Variants in CEP57L1 observed in about 807,000 individuals in gnomAD.
CEP57L1 encodes the protein centrosomal protein CEP57L1.
Under a neutral mutation model 61.0 loss-of-function variants are expected in CEP57L1, and 37 were observed. The observed-to-expected ratio is 0.61, with a 90% CI of 0.47 to 0.80. The LOEUF is 0.80. Ranked by LOEUF, CEP57L1 falls within the 30% of genes least tolerant of loss-of-function variation. CEP57L1 has a pLI of 0.00. For synonymous variants in CEP57L1, 137 were observed against 162.3 expected, an observed-to-expected ratio of 0.84 and a Z score of 1.19; for missense variants, 422 against 524.7, an observed-to-expected ratio of 0.80 and a Z score of 1.91.
chr6:109,110,300 A>G (rs1375303298), intron 1 of CEP57L1, among the ~76,000 whole-genome samples: 1 of 152,156 alleles, frequency 6.6e-6, no homozygotes, highest in African/African-American at 2.4e-5. Context: ...AGTGATGATG[A>G]GCTTTTTTTC....
chr6:109,153,760 A>T (rs1772914287), intron 4 of CEP57L1, 73 bp from the exon 5 acceptor site: 1 of 820,412 alleles, frequency 1.2e-6, no homozygotes, highest in Non-Finnish European at 2.1e-6. Flanking sequence ...AATTCTCAGA[A>T]ATTGTATTAT....
intron 1 of CEP57L1, among the ~76,000 whole-genome samples, chr6:109,136,108 A>T (rs974993136): frequency 2.0e-5 from 3 of 152,220 alleles, no homozygotes; most frequent in African/African-American, 7.2e-5. Context: ...ACAAAGACAC[A>T]TGCACACGTA....
rs76268442 is a variant in CEP57L1, at chr6:109,172,609, A to G, written c.*9639A>G. Among the ~76,000 whole-genome samples the G allele has an allele frequency of 0.12, 18,961 of 152,106 alleles. 1,331 individuals carry two copies. The highest frequency in any genetic ancestry group is 0.21 in the Middle Eastern group (63 of 294). On this transcript the variant is annotated 3_prime_UTR_variant, in exon 11 of 11. Transcript: ENST00000517392. ...GTATTGTTTTTTGTTTTCTGACCCA[A>G]AAGTGATGTGCATTGCTTACCTATC...
intron 1 of CEP57L1, among the ~76,000 whole-genome samples, chr6:109,139,145 A>G (rs75485521): frequency 0.011 from 1,635 of 152,340 alleles, 11 homozygotes; most frequent in South Asian, 0.026. Context: ...CAAGGTGGCC[A>G]CCAAACAACT....
At chr6:109,110,337 T>G (rs1225212298) in intron 1 of CEP57L1, among the ~76,000 whole-genome samples, 1 of 152,246 alleles carries the variant, frequency 6.6e-6, no homozygotes, top group African/African-American at 2.4e-5. Context: ...CATAAATGTC[T>G]TCTTTTGAGA....
In CEP57L1 at chr6:109,139,739, T is replaced by C. The variant is rs138813570; in HGVS notation, c.-3-5480T>C. On this transcript the variant is annotated intron_variant, in intron 1 of 10. Coordinates refer to ENST00000517392, the MANE Select transcript of CEP57L1 (RefSeq NM_001271852.3). ...GTGACCTCAAATGATCTGCCCACCT[T>C]GGCCTCCCAAAGTGCTGGGATTACA... is the stretch of plus-strand genomic sequence containing the variant. Among the ~76,000 whole-genome samples, 1,204 of 151,966 alleles carry C rather than the reference T, an allele frequency of 7.9e-3. 19 individuals carry two copies. The highest frequency in any genetic ancestry group is 0.028 in the African/African-American group (1,154 of 41,458).
At chr6:109,118,969 A>T (rs984486224) in intron 1 of CEP57L1, among the ~76,000 whole-genome samples, 1 of 152,226 alleles carries the variant, frequency 6.6e-6, no homozygotes, top group Non-Finnish European at 1.5e-5. Flanking sequence ...ATTTCAATAT[A>T]TATTAAACAT....
chr6:109,100,335 A>T (rs1782223281), intron 1 of CEP57L1: 1 of 152,194 alleles, frequency 6.6e-6, no homozygotes. Context: ...TAATTAATGG[A>T]TGGACGAGGG....
chr6:109,163,196 T>C lies in CEP57L1; in HGVS notation c.*226T>C, dbSNP rs17070199. The C allele has an allele frequency of 0.016, 6,218 of 391,680 alleles. 61 individuals are homozygous for C. The highest frequency in any genetic ancestry group is 0.021 in the Middle Eastern group (29 of 1,410). 24.3% of individuals were successfully genotyped at this position (391,680 alleles called of 1,614,324 possible). On this transcript the variant is annotated 3_prime_UTR_variant, in exon 11 of 11. Coordinates refer to ENST00000517392, the MANE Select transcript of CEP57L1 (RefSeq NM_001271852.3). ...TTATTGATTGAAGCCCGTAACCTCA[T>C]CTTGTCTTAGAAACATTGTTGGCTT...
chr6:109,121,685 G>A (rs573640839), intron 1 of CEP57L1, among the ~76,000 whole-genome samples: 1 of 152,118 alleles, frequency 6.6e-6, no homozygotes, highest in African/African-American at 2.4e-5. Flanking sequence ...CCCAGAGTGT[G>A]GAAGCATTTA....
chr6:109,101,811 G>A (rs937517502), intron 1 of CEP57L1, among the ~76,000 whole-genome samples: 1 of 151,962 alleles, frequency 6.6e-6, no homozygotes, highest in Admixed American at 6.6e-5. Context: ...AGTAGAGACG[G>A]GGTTTCACCG....
At chr6:109,102,201 T>C (rs945049997) in intron 1 of CEP57L1, among the ~76,000 whole-genome samples, 1 of 152,060 alleles carries the variant, frequency 6.6e-6, no homozygotes, top group African/African-American at 2.4e-5. Context: ...TACTGTTGAG[T>C]GTTTTTGTTT....
intron 10 of CEP57L1, 161 bp downstream of exon 10, chr6:109,160,877 C>T (rs1773660927): frequency 1.7e-6 from 1 of 572,692 alleles, no homozygotes; most frequent in Non-Finnish European, 2.8e-6. Flanking sequence ...CCATCTGTCC[C>T]ATTGGAATAA....
At chr6:109,152,082 CT>C (rs1452314359) in intron 4 of CEP57L1, among the ~76,000 whole-genome samples, 2 of 152,134 alleles carry the variant, frequency 1.3e-5, no homozygotes, top group East Asian at 3.8e-4. Flanking sequence ...TCTCTCTCTT[CT>C]TCTCTGGGAC....
rs542837374 is a variant in CEP57L1 at position 109,172,390 on chromosome 6, C to A, written c.*9420C>A. Among the ~76,000 whole-genome samples the A allele has an allele frequency of 2.0e-5, 3 of 152,332 alleles. No homozygotes were observed. The South Asian group carries it at 6.2e-4, about 32-fold the overall frequency. ...GAGCTGATACTACATGGCCTAAGGA[C>A]TTCACCATTAATCACATTGTTAGCT... is the stretch of plus-strand genomic sequence containing the variant. On this transcript the variant is annotated 3_prime_UTR_variant, in exon 11 of 11. Transcript: ENST00000517392.
intron 1 of CEP57L1, among the ~76,000 whole-genome samples, chr6:109,118,513 A>G (rs1013701682): frequency 6.6e-6 from 1 of 152,234 alleles, no homozygotes; most frequent in Non-Finnish European, 1.5e-5. Context: ...TCTGCAGCCT[A>G]TCAACATCTC....
rs925851388 is a variant in CEP57L1, at chr6:109,165,688, T to C, written c.*2718T>C. 2.0e-5 allele frequency: 3 copies of C among 152,322 alleles called. No individual in the cohort carries two copies. Among genetic ancestry groups the C allele is most frequent in the Non-Finnish European group, 2.9e-5 (2 of 68,042 alleles). 9.4% of individuals were successfully genotyped at this position (152,322 alleles called of 1,614,324 possible). The stretch of plus-strand genomic sequence containing the variant: ...GGTGTGGTTGTTGAGGTGACATTTA[T>C]TATTGAGAGACAATGAAGAATGGTG... On this transcript the variant is annotated 3_prime_UTR_variant, in exon 11 of 11. Coordinates refer to ENST00000517392, the MANE Select transcript of CEP57L1 (RefSeq NM_001271852.3).
intron 1 of CEP57L1, among the ~76,000 whole-genome samples, chr6:109,106,625 CT>C (rs1770964716): frequency 6.6e-6 from 1 of 152,016 alleles, no homozygotes; most frequent in Non-Finnish European, 1.5e-5. Flanking sequence ...AGGACTTTGG[CT>C]TTTTTAAAAT....
chr6:109,132,893 G>T (rs914411069), intron 1 of CEP57L1, among the ~76,000 whole-genome samples: 1 of 152,034 alleles, frequency 6.6e-6, no homozygotes, highest in Non-Finnish European at 1.5e-5. Flanking sequence ...AGCCACTTAT[G>T]TTTCCTCATT....
Sources: gnomAD v4.1 joint callset for allele counts (sites outside exome capture counted in the v4.1 genomes callset) on GRCh38, gnomAD v4.1.1 for gene constraint, MANE v1.5 for transcripts, NCBI Gene and HGNC (gene_info 2026-07-23, HGNC 2026-07-21) for gene names.